The following ZCWPW2 variants were observed in gnomAD, a reference collection of about 807,000 sequenced individuals.
ZCWPW2 encodes the protein zinc finger CW-type and PWWP domain containing 2.
In ZCWPW2, 45 loss-of-function variants were observed where a neutral mutation model predicts 46.6. The ratio of observed to expected loss-of-function variants is 0.96; its 90% confidence interval spans 0.76 to 1.24. The LOEUF (loss-of-function observed/expected upper bound fraction) is 1.24. Ranked by LOEUF, ZCWPW2 falls within the 50% of genes most tolerant of loss-of-function variation. ZCWPW2 has a pLI of 0.00. For synonymous variants in ZCWPW2, 152 were observed against 137.1 expected (o/e 1.11, Z -0.76); for missense variants, 429 against 403.9 (o/e 1.06, Z -0.53).
intron 2 of ZCWPW2, among the ~76,000 whole-genome samples, chr3:28,404,194 A>G (rs1320553954): frequency 6.6e-6 from 1 of 152,088 alleles, no homozygotes; most frequent in Non-Finnish European, 1.5e-5. Context: ...AACAAGAAAA[A>G]AAAAACATCA....
At chr3:28,402,196 GAAGA>G (rs1465377628) in intron 2 of ZCWPW2, among the ~76,000 whole-genome samples, 3 of 152,002 alleles carry the variant, frequency 2.0e-5, no homozygotes, top group Non-Finnish European at 4.4e-5. Context: ...ACCAAGAAAA[GAAGA>G]GAGAAAAATC....
At chr3:28,432,403 A>C (rs988114644) in intron 3 of ZCWPW2, among the ~76,000 whole-genome samples, 2 of 152,206 alleles carry the variant, frequency 1.3e-5, no homozygotes, top group Non-Finnish European at 2.9e-5. Flanking sequence ...GTGAAGTAAC[A>C]CTTGACAGCT....
intron 1 of ZCWPW2, among the ~76,000 whole-genome samples, chr3:28,356,051 A>G (rs74937367): frequency 0.021 from 3,200 of 152,362 alleles, 52 homozygotes; most frequent in Middle Eastern, 0.034. Context: ...CTACCATCAC[A>G]GTGAATGGGA....
At chr3:28,432,082 C>T (rs528458370) in intron 3 of ZCWPW2, among the ~76,000 whole-genome samples, 1 of 152,150 alleles carries the variant, frequency 6.6e-6, no homozygotes, top group Non-Finnish European at 1.5e-5. Context: ...TACCTCCCAC[C>T]ATGTCCCTCC....
intron 2 of ZCWPW2, among the ~76,000 whole-genome samples, chr3:28,406,023 T>C (rs2125733734): frequency 6.6e-6 from 1 of 152,308 alleles, no homozygotes; most frequent in Non-Finnish European, 1.5e-5. Flanking sequence ...GTTCATGTTC[T>C]AGTGTTTTGT....
rs2125701002 is a variant in ZCWPW2 at position 28,370,036 on chromosome 3, T to A, written c.-133-20462T>A. Among the ~76,000 whole-genome samples, 3 of 152,264 alleles carry A rather than the reference T, an allele frequency of 2.0e-5. No homozygotes were observed. In the South Asian group the frequency reaches 6.2e-4, roughly 32 times the overall value. ...CAGCATTAGGGTGGGAGTGACCTGA[T>A]TTTCCAGGTGCCATCTGTCACCCCT... is the stretch of plus-strand genomic sequence containing the variant. On this transcript the variant is annotated intron_variant, in intron 1 of 9. Coordinates refer to ENST00000383768, the MANE Select transcript of ZCWPW2 (RefSeq NM_001040432.4).
intron 2 of ZCWPW2, among the ~76,000 whole-genome samples, chr3:28,395,073 A>G (rs1695642739): frequency 6.6e-6 from 1 of 152,116 alleles, no homozygotes; most frequent in Admixed American, 6.6e-5. Context: ...ATATCAGATA[A>G]TTTGGTTAGA....
chr3:28,366,919 GTTTA>G (rs1161364848), intron 1 of ZCWPW2, among the ~76,000 whole-genome samples: 2 of 152,180 alleles, frequency 1.3e-5, no homozygotes, highest in African/African-American at 4.8e-5. Context: ...AGATTTTCTA[GTTTA>G]TTTGTGTAGA....
chr3:28,482,868 G>A (rs375200133), intron 5 of ZCWPW2, among the ~76,000 whole-genome samples: 1 of 151,984 alleles, frequency 6.6e-6, no homozygotes, highest in South Asian at 2.1e-4. Context: ...TGCTGCAGAG[G>A]TTTTAAGAGT....
chr3:28,358,650 C>G (rs1365579761), intron 1 of ZCWPW2, among the ~76,000 whole-genome samples: 1 of 152,088 alleles, frequency 6.6e-6, no homozygotes, highest in African/African-American at 2.4e-5. Flanking sequence ...AAAGCATCAT[C>G]ACTTTTTCAA....
chr3:28,409,086 T>C (rs1437587150), intron 2 of ZCWPW2, among the ~76,000 whole-genome samples: 2 of 151,790 alleles, frequency 1.3e-5, no homozygotes, highest in Non-Finnish European at 2.9e-5. Flanking sequence ...ACAGAAAATA[T>C]TCCCGATACT....
intron 4 of ZCWPW2, among the ~76,000 whole-genome samples, chr3:28,467,632 G>A (rs1256881081): frequency 1.3e-5 from 2 of 152,132 alleles, no homozygotes; most frequent in Non-Finnish European, 2.9e-5. Context: ...CCAGCCCCAG[G>A]TGACTCACAG....
chr3:28,526,280 CT>C lies in ZCWPW2; in HGVS notation c.*1593del, dbSNP rs940889846. On this transcript the variant is annotated 3_prime_UTR_variant, in exon 10 of 10. Coordinates refer to ENST00000383768, the MANE Select transcript of ZCWPW2 (RefSeq NM_001040432.4). ...ACATTTGAAATGATCAGTTTTCTTTCTGTTATATCATTTAATCTACTACTCA... is the reference window on the plus strand; with the variant it reads ...ACATTTGAAATGATCAGTTTTCTTTCGTTATATCATTTAATCTACTACTCA... 1.3e-5 allele frequency among the ~76,000 whole-genome samples: 2 copies of C among 152,048 alleles called. No individual in the cohort carries two copies. The highest frequency in any genetic ancestry group is 2.9e-5 in the Non-Finnish European group (2 of 67,982).
intron 5 of ZCWPW2, among the ~76,000 whole-genome samples, chr3:28,481,674 T>C (rs1233454271): frequency 6.6e-6 from 1 of 152,226 alleles, no homozygotes; most frequent in Non-Finnish European, 1.5e-5. Context: ...ACTTTGATGC[T>C]GACTGAATTT....
At chr3:28,353,453 C>A (rs1007384255) in intron 1 of ZCWPW2, among the ~76,000 whole-genome samples, 2 of 152,046 alleles carry the variant, frequency 1.3e-5, no homozygotes, top group Non-Finnish European at 2.9e-5. Flanking sequence ...GGCATGATAT[C>A]CAGTTCCCAG....
chr3:28,431,910 A>G (rs866352936), intron 3 of ZCWPW2, among the ~76,000 whole-genome samples: 4 of 152,294 alleles, frequency 2.6e-5, no homozygotes, highest in Middle Eastern at 3.4e-3. Context: ...ACTTAGAATC[A>G]TGGTGGAAGG....
chr3:28,376,600 TG>T (rs1705507409), intron 1 of ZCWPW2, among the ~76,000 whole-genome samples: 1 of 152,140 alleles, frequency 6.6e-6, no homozygotes, highest in Non-Finnish European at 1.5e-5. Context: ...GTCTGCTCAG[TG>T]TTTTCACTTC....
In ZCWPW2 at chr3:28,503,987, G is replaced by A. The variant is rs1031475615; in HGVS notation, c.658-10077G>A. Among the ~76,000 whole-genome samples the A allele has an allele frequency of 4.6e-5, 7 of 151,806 alleles. No homozygotes were observed. The East Asian group carries it at 5.8e-4, about 13-fold the overall frequency. On this transcript the variant is annotated intron_variant, in intron 6 of 9. Coordinates refer to ENST00000383768, the MANE Select transcript of ZCWPW2 (RefSeq NM_001040432.4). ...GAGGCAGGTGGATCGCTTGAGCCCC[G>A]GAGTTCAAGACAAGCCTGGGTAACA... is the stretch of plus-strand genomic sequence containing the variant.
intron 4 of ZCWPW2, among the ~76,000 whole-genome samples, chr3:28,435,641 A>G (rs1373188334): frequency 2.0e-5 from 3 of 151,930 alleles, no homozygotes; most frequent in Admixed American, 6.6e-5. Context: ...GCCCGCCACC[A>G]TGCACGGCTA....
Sources: gnomAD v4.1 joint callset for allele counts (sites outside exome capture counted in the v4.1 genomes callset) on GRCh38, gnomAD v4.1.1 for gene constraint, MANE v1.5 for transcripts, NCBI Gene and HGNC (gene_info 2026-07-23, HGNC 2026-07-21) for gene names.